The following VNN1 variants were observed in gnomAD, a reference collection of about 807,000 sequenced individuals.
VNN1 encodes the protein vanin 1.
In VNN1, 29 loss-of-function variants were observed where a neutral mutation model predicts 41.9. The observed-to-expected ratio is 0.69, with a 90% CI of 0.52 to 0.94. The LOEUF is 0.94. VNN1 is among the 40% of genes least tolerant of loss of function. VNN1 has a pLI of 0.00. For synonymous variants in VNN1, 233 were observed against 224.4 expected, an observed-to-expected ratio of 1.04 and a Z score of -0.34; for missense variants, 637 against 621.1, an observed-to-expected ratio of 1.03 and a Z score of -0.27.
In VNN1 at chr6:132,684,415, G is replaced by A. The variant is rs1778176972; in HGVS notation, c.1279C>T (p.Leu427Phe). 1.9e-6 allele frequency: 3 copies of A among 1,614,008 alleles called. No individual in the cohort carries two copies. The highest frequency in any genetic ancestry group is 1.7e-6 in the Non-Finnish European group (2 of 1,179,940). The change falls in exon 6 of 7, where the codon CTC (leucine) becomes TTC (phenylalanine). Residue 427 changes from leucine (L) to phenylalanine (F), a missense_variant. Transcript: ENST00000367928. ...TASTRFEMFS[L>F]SGTFGTQYVF... ...TACTGGGTTCCGAAAGTGCCACTGA[G>A]GGAGAACATTTCAAACCTGGTAGAA...
intron 2 of VNN1, 138 bp from the exon 3 acceptor site, chr6:132,694,320 G>C (rs1282774819): frequency 5.2e-6 from 5 of 955,730 alleles, no homozygotes; most frequent in Middle Eastern, 3.3e-4. Flanking sequence ...TAGAAGAGAA[G>C]TATTAAGACA....
rs923662006 is a variant in VNN1 at position 132,682,784 on chromosome 6, G to A, written c.*356C>T. ...TTCAGCAGAGCTGAATAAGTGATAC[G>A]TAATATAATAAAAGTGGTAACAAGA... is the stretch of plus-strand genomic sequence containing the variant. On this transcript the variant is annotated 3_prime_UTR_variant, in exon 7 of 7. Transcript: ENST00000367928. 1.4e-4 allele frequency: 22 copies of A among 157,828 alleles called. No homozygotes were observed. Among genetic ancestry groups the A allele is most frequent in the African/African-American group, 4.1e-4 (17 of 41,726 alleles). The allele number at this position is 157,828 out of a possible 1,614,324, so 9.8% of individuals were successfully genotyped here. A position where few individuals can be genotyped will look rare whatever the true frequency, so the allele number is the denominator to read the frequency against.
At chr6:132,691,082 A>G (rs1203989018) in intron 5 of VNN1, among the ~76,000 whole-genome samples, 1 of 152,240 alleles carries the variant, frequency 6.6e-6, no homozygotes, top group Admixed American at 6.5e-5. Context: ...AAATATTTCA[A>G]TATTGCAGAA....
At chr6:132,690,271 G>T (rs138089588) in intron 5 of VNN1, among the ~76,000 whole-genome samples, 1 of 152,262 alleles carries the variant, frequency 6.6e-6, no homozygotes, top group Non-Finnish European at 1.5e-5. Flanking sequence ...TCTTAAGTGT[G>T]CTAGGTAAGA....
At chr6:132,684,073 T>G (rs940875280) in intron 6 of VNN1, among the ~76,000 whole-genome samples, 2 of 152,114 alleles carry the variant, frequency 1.3e-5, no homozygotes, top group South Asian at 2.1e-4. Flanking sequence ...TTGAATCTTC[T>G]TTCTACTTGG....
intron 2 of VNN1, among the ~76,000 whole-genome samples, chr6:132,697,018 T>C (rs1485029177): frequency 6.6e-6 from 1 of 152,040 alleles, no homozygotes; most frequent in African/African-American, 2.4e-5. Context: ...GGCAGCAGAA[T>C]GGCGTGAACT....
At chr6:132,710,044 G>GGTTT (rs954272181) in intron 2 of VNN1, among the ~76,000 whole-genome samples, 10 of 151,848 alleles carry the variant, frequency 6.6e-5, no homozygotes, top group South Asian at 4.2e-4. Context: ...AGTTTTTGTG[G>GGTTT]GTTTGTTTGT....
Position 132,680,910 on chromosome 6 carries a change from C to T in VNN1, c.*2230G>A, listed in dbSNP as rs550110668. Reference sequence around the variant, plus strand: ...GTATAGAAAGTTTTTTAGTGTAGTGCTTTTCAGACGTAACTATTGGGAGTG... The same window carrying T: ...GTATAGAAAGTTTTTTAGTGTAGTGTTTTTCAGACGTAACTATTGGGAGTG... On this transcript the variant is annotated 3_prime_UTR_variant, in exon 7 of 7. Coordinates refer to ENST00000367928, the MANE Select transcript of VNN1 (RefSeq NM_004666.3). 4.6e-5 allele frequency among the ~76,000 whole-genome samples: 7 copies of T among 152,124 alleles called. No homozygotes were observed. In the South Asian group the frequency reaches 1.5e-3, roughly 32 times the overall value.
intron 2 of VNN1, among the ~76,000 whole-genome samples, chr6:132,700,224 C>A (rs1311760392): frequency 6.6e-6 from 1 of 152,166 alleles, no homozygotes; most frequent in African/African-American, 2.4e-5. Flanking sequence ...AGTTACATAT[C>A]ATTGCTACAG....
At chr6:132,691,652 C>T (rs1778285682) in intron 5 of VNN1, among the ~76,000 whole-genome samples, 2 of 152,076 alleles carry the variant, frequency 1.3e-5, no homozygotes, top group Non-Finnish European at 2.9e-5. Context: ...AAGTAAATGT[C>T]CTGCCTTTTC....
At chr6:132,692,961 T>C (rs938079973) in intron 4 of VNN1, 63 bp downstream of exon 4, 77 of 1,471,140 alleles carry the variant, frequency 5.2e-5, no homozygotes, top group Non-Finnish European at 6.4e-5. Flanking sequence ...TAGAAAAACA[T>C]GTTTTTTTTT....
intron 5 of VNN1, among the ~76,000 whole-genome samples, chr6:132,691,958 T>C (rs1441862870): frequency 1.3e-5 from 2 of 150,346 alleles, no homozygotes; most frequent in Non-Finnish European, 2.9e-5. Context: ...AGTGAGCTGA[T>C]GCACCACTGC....
intron 2 of VNN1, among the ~76,000 whole-genome samples, chr6:132,697,313 G>A (rs1379389237): frequency 1.3e-5 from 2 of 152,034 alleles, no homozygotes; most frequent in Non-Finnish European, 2.9e-5. Flanking sequence ...AACACGGAGT[G>A]TAGAATGTAC....
At chr6:132,706,635 C>G (rs1778522932) in intron 2 of VNN1, among the ~76,000 whole-genome samples, 1 of 152,084 alleles carries the variant, frequency 6.6e-6, no homozygotes, top group South Asian at 2.1e-4. Context: ...GCACAGGCAA[C>G]CAAAGCAAAA....
chr6:132,697,484 T>C (rs898417352), intron 2 of VNN1, among the ~76,000 whole-genome samples: 1 of 152,098 alleles, frequency 6.6e-6, no homozygotes, highest in Non-Finnish European at 1.5e-5. Flanking sequence ...TTTTACAAAG[T>C]TACCAATAAT....
intron 5 of VNN1, among the ~76,000 whole-genome samples, chr6:132,691,606 T>C (rs1000100142): frequency 6.6e-6 from 1 of 152,208 alleles, no homozygotes; most frequent in Non-Finnish European, 1.5e-5. Context: ...TATAATGATC[T>C]GTAATTTGAA....
intron 2 of VNN1, among the ~76,000 whole-genome samples, chr6:132,696,219 C>T (rs1778369649): frequency 1.3e-5 from 2 of 151,996 alleles, no homozygotes; most frequent in East Asian, 1.9e-4. Flanking sequence ...ATTCGAAGAC[C>T]AATTCAGGCA....
At chr6:132,683,517 G>C (rs898988753) in intron 6 of VNN1, among the ~76,000 whole-genome samples, 195 bp from the exon 7 acceptor site, 1 of 152,216 alleles carries the variant, frequency 6.6e-6, no homozygotes, top group African/African-American at 2.4e-5. Context: ...TTATTAGTGA[G>C]ATGCCCGTAA....
chr6:132,693,357 A>C (rs757740180), intron 3 of VNN1, 42 bp from the exon 4 acceptor site: 1 of 1,531,912 alleles, frequency 6.5e-7, no homozygotes, highest in Admixed American at 2.0e-5. Context: ...TTATTTTAGG[A>C]AGTTGATCTG....
Sources: gnomAD v4.1 joint callset for allele counts (sites outside exome capture counted in the v4.1 genomes callset) on GRCh38, gnomAD v4.1.1 for gene constraint, MANE v1.5 for transcripts, NCBI Gene and HGNC (gene_info 2026-07-23, HGNC 2026-07-21) for gene names.